PCDHA4: variants seen among roughly 807,000 people sequenced by gnomAD.
PCDHA4 encodes the protein protocadherin alpha-4.
A neutral mutation model predicts 61.4 loss-of-function variants in PCDHA4; 49 were observed. The observed-to-expected ratio is 0.80, with a 90% confidence interval of 0.63 to 1.01. The LOEUF (loss-of-function observed/expected upper bound fraction) is 1.01, where lower values mean the gene tolerates loss of function less well. Ranked by LOEUF, PCDHA4 falls within the 50% of genes least tolerant of loss-of-function variation. PCDHA4 has a pLI of 0.00. For synonymous variants in PCDHA4, 590 were observed against 550.3 expected (o/e 1.07, Z -1.01); for missense variants, 1,254 against 1,235.8 (o/e 1.01, Z -0.22).
chr5:140,856,512 G>T lies in PCDHA4; in HGVS notation c.2385+46940G>T, dbSNP rs781905206. On this transcript the variant is annotated intron_variant, in intron 1 of 3. Transcript: ENST00000530339. ...CTTGACTCTCGATTTCCACTAGAAG[G>T]CGCATCTGATGCGGATGTTGGAGAG... 1.9e-6 allele frequency: 3 copies of T among 1,598,396 alleles called. No individual in the cohort carries two copies. The South Asian group carries it at 3.3e-5, about 18-fold the overall frequency.
At chr5:140,834,594 C>T (rs1383001934) in intron 1 of PCDHA4, 10 of 1,613,990 alleles carry the variant, frequency 6.2e-6, no homozygotes, top group African/African-American at 4.0e-5. Flanking sequence ...GTGCAAATTC[C>T]GTGGGGATCT....
intron 1 of PCDHA4, among the ~76,000 whole-genome samples, chr5:140,950,594 G>C (rs1469063256): frequency 6.6e-6 from 1 of 152,040 alleles, no homozygotes; most frequent in African/African-American, 2.4e-5. Flanking sequence ...TGGTTTAGAA[G>C]TTTGACTATG....
intron 1 of PCDHA4, chr5:140,967,284 A>C: frequency 6.2e-7 from 1 of 1,613,190 alleles, no homozygotes. Context: ...GAGAGTGCGC[A>C]GGACCCCGAC....
At chr5:141,002,014 C>T (rs1025365420) in intron 3 of PCDHA4, among the ~76,000 whole-genome samples, 1 of 152,220 alleles carries the variant, frequency 6.6e-6, no homozygotes, top group Non-Finnish European at 1.5e-5. Context: ...AGAATCTGCA[C>T]AGCCTTCGGT....
At chr5:140,871,131 G>A (rs781968741) in intron 1 of PCDHA4, 2 of 1,613,386 alleles carry the variant, frequency 1.2e-6, no homozygotes, top group South Asian at 2.2e-5. Flanking sequence ...AGGCGCCAAA[G>A]GCCTCTTCCC....
chr5:140,838,316 G>A (rs1775677807), intron 1 of PCDHA4, among the ~76,000 whole-genome samples: 1 of 146,606 alleles, frequency 6.8e-6, no homozygotes, highest in Non-Finnish European at 1.5e-5. Context: ...TAGAAACAGA[G>A]TTTCACCATG....
chr5:140,876,334 A>T (rs782377581), intron 1 of PCDHA4: 3 of 1,614,030 alleles, frequency 1.9e-6, no homozygotes, highest in Admixed American at 1.7e-5. Context: ...TTTGCCAGTG[A>T]GTGAGAAATG....
chr5:140,982,224 A>G (rs893184323), intron 2 of PCDHA4: 8 of 587,202 alleles, frequency 1.4e-5, no homozygotes, highest in South Asian at 3.8e-5. Flanking sequence ...TGGCGTTAAT[A>G]AAAAACAGAA....
At chr5:140,852,972 G>A (rs2150526368) in intron 1 of PCDHA4, 5 of 376,752 alleles carry the variant, frequency 1.3e-5, no homozygotes, top group South Asian at 2.2e-4. Context: ...TCCCCCTCCC[G>A]TGTTCACGCC....
chr5:140,901,815 A>T (rs1339282567), intron 1 of PCDHA4, among the ~76,000 whole-genome samples: 1 of 152,122 alleles, frequency 6.6e-6, no homozygotes, highest in African/African-American at 2.4e-5. Context: ...TACAATATTG[A>T]TTCTTCCAGT....
chr5:140,827,471 T>C (rs1554130800), intron 1 of PCDHA4, among the ~76,000 whole-genome samples: 2 of 152,222 alleles, frequency 1.3e-5, no homozygotes, highest in Non-Finnish European at 2.9e-5. Flanking sequence ...CTGATATTTA[T>C]TGAACAAAGA....
intron 1 of PCDHA4, among the ~76,000 whole-genome samples, chr5:140,958,419 A>G (rs1275772647): frequency 6.6e-6 from 1 of 152,196 alleles, no homozygotes; most frequent in Non-Finnish European, 1.5e-5. Flanking sequence ...GCTTGGAAAG[A>G]AGCACTTTTT....
chr5:140,991,875 G>A (rs2097477734), intron 3 of PCDHA4, among the ~76,000 whole-genome samples: 1 of 152,092 alleles, frequency 6.6e-6, no homozygotes, highest in South Asian at 2.1e-4. Context: ...AGTTTCCTAG[G>A]GCTGCCATAA....
chr5:140,929,528 T>C, intron 1 of PCDHA4: 1 of 693,446 alleles, frequency 1.4e-6, no homozygotes, highest in African/African-American at 1.9e-5. Context: ...TAGTTTATTT[T>C]TGAGAAACAA....
chr5:140,875,335 C>A, intron 1 of PCDHA4: 2 of 1,438,768 alleles, frequency 1.4e-6, no homozygotes, highest in East Asian at 2.5e-5. Context: ...GGAATAGGAT[C>A]GACTCCATAA....
intron 1 of PCDHA4, among the ~76,000 whole-genome samples, chr5:140,889,253 G>A (rs1272394693): frequency 6.6e-6 from 1 of 151,724 alleles, no homozygotes; most frequent in Non-Finnish European, 1.5e-5. Flanking sequence ...TCTGTTTCCT[G>A]TAAAAGTTTG....
chr5:140,956,408 C>T (rs1192859348), intron 1 of PCDHA4, among the ~76,000 whole-genome samples: 1 of 152,122 alleles, frequency 6.6e-6, no homozygotes, highest in Non-Finnish European at 1.5e-5. Context: ...TTGAGATAAT[C>T]ATGTGGGTTT....
At chr5:140,977,925 A>G (rs782072280) in intron 1 of PCDHA4, among the ~76,000 whole-genome samples, 8 of 152,152 alleles carry the variant, frequency 5.3e-5, no homozygotes, top group Non-Finnish European at 1.0e-4. Flanking sequence ...TTTTCATTCA[A>G]CTATACCTCA....
At chr5:140,912,170 T>C (rs961907962) in intron 1 of PCDHA4, among the ~76,000 whole-genome samples, 6 of 152,202 alleles carry the variant, frequency 3.9e-5, no homozygotes, top group African/African-American at 9.7e-5. Flanking sequence ...CTGGCTGTGC[T>C]GGCAGCTGAT....
Sources: gnomAD v4.1 joint callset for allele counts (sites outside exome capture counted in the v4.1 genomes callset) on GRCh38, gnomAD v4.1.1 for gene constraint, MANE v1.5 for transcripts, NCBI Gene and HGNC (gene_info 2026-07-23, HGNC 2026-07-21) for gene names.